LUZP2: variants seen among roughly 807,000 people sequenced by gnomAD.
LUZP2 encodes leucine zipper protein 2.
In LUZP2, 52 loss-of-function variants were observed where a neutral mutation model predicts 51.6. The observed-to-expected ratio is 1.01, with a 90% CI of 0.81 to 1.27. The LOEUF (loss-of-function observed/expected upper bound fraction) is 1.27, where lower values mean the gene tolerates loss of function less well. Among genes scored for constraint, LUZP2 ranks in the 50% most tolerant of loss-of-function variants. The pLI is 0.00. For missense variants in LUZP2, 436 were observed against 395.4 expected (o/e 1.10, Z -0.87); for synonymous variants, 154 against 137.3 (o/e 1.12, Z -0.85).
chr11:24,671,710 T>A (rs1856406842), intron 1 of LUZP2, among the ~76,000 whole-genome samples: 1 of 152,100 alleles, frequency 6.6e-6, no homozygotes, highest in African/African-American at 2.4e-5. Context: ...GGCATTTTTA[T>A]GCAAGAGAAT....
chr11:24,853,406 C>T (rs756544245), intron 5 of LUZP2, among the ~76,000 whole-genome samples: 58 of 151,776 alleles, frequency 3.8e-4, no homozygotes, highest in African/African-American at 1.1e-3. Flanking sequence ...TCTGCTTGAT[C>T]GATTCAGCTA....
chr11:24,817,816 A>G (rs892324816), intron 5 of LUZP2, among the ~76,000 whole-genome samples: 7 of 151,940 alleles, frequency 4.6e-5, no homozygotes, highest in African/African-American at 9.7e-5. Context: ...GTGCATCACA[A>G]TTTCTTGTAC....
intron 5 of LUZP2, chr11:24,831,790 C>T (rs1850711943): frequency 2.0e-5 from 3 of 152,386 alleles, no homozygotes; most frequent in African/African-American, 7.2e-5. Context: ...TTGGAAAGGC[C>T]AAAGTAAAAG....
chr11:24,989,338 A>T (rs1856270842), intron 9 of LUZP2, among the ~76,000 whole-genome samples: 1 of 152,062 alleles, frequency 6.6e-6, no homozygotes, highest in African/African-American at 2.4e-5. Context: ...TTTGCTCATT[A>T]TGGTGGAACA....
chr11:24,542,236 C>G (rs115972447), intron 1 of LUZP2, among the ~76,000 whole-genome samples: 79 of 152,088 alleles, frequency 5.2e-4, no homozygotes, highest in Admixed American at 8.5e-4. Flanking sequence ...TCCTCACCCC[C>G]CCATACACAA....
At chr11:24,871,488 T>TCC (rs926671496) in intron 5 of LUZP2, among the ~76,000 whole-genome samples, 28 of 152,160 alleles carry the variant, frequency 1.8e-4, no homozygotes, top group African/African-American at 6.7e-4. Flanking sequence ...CTTGAATTCA[T>TCC]CCCCCCTGGC....
At chr11:24,835,825 T>G (rs1160181014) in intron 5 of LUZP2, among the ~76,000 whole-genome samples, 1 of 152,084 alleles carries the variant, frequency 6.6e-6, no homozygotes, top group Non-Finnish European at 1.5e-5. Context: ...TTTTTACATA[T>G]TTACTGCCAA....
chr11:24,667,423 G>T (rs12796872), intron 1 of LUZP2, among the ~76,000 whole-genome samples: 295 of 152,170 alleles, frequency 1.9e-3, no homozygotes, highest in Non-Finnish European at 3.5e-3. Context: ...CTGACCTCGT[G>T]ATCTGCCGTC....
chr11:24,963,968 T>C (rs1855504334), intron 7 of LUZP2, among the ~76,000 whole-genome samples: 1 of 152,204 alleles, frequency 6.6e-6, no homozygotes, highest in Non-Finnish European at 1.5e-5. Context: ...GCAATAAACA[T>C]GGGAATGCAG....
chr11:24,726,402 A>G (rs544815987), intron 1 of LUZP2, among the ~76,000 whole-genome samples: 94 of 152,092 alleles, frequency 6.2e-4, no homozygotes, highest in Middle Eastern at 3.4e-3. Context: ...ACATATTGAA[A>G]CTAACACAAA....
chr11:24,514,564 CT>C (rs1564962589), intron 1 of LUZP2, among the ~76,000 whole-genome samples: 1 of 152,148 alleles, frequency 6.6e-6, no homozygotes, highest in African/African-American at 2.4e-5. Flanking sequence ...ATAAATTTCA[CT>C]TTGTGGGGAA....
At chr11:24,864,090 C>T (rs1851817356) in intron 5 of LUZP2, among the ~76,000 whole-genome samples, 1 of 152,074 alleles carries the variant, frequency 6.6e-6, no homozygotes, top group Non-Finnish European at 1.5e-5. Flanking sequence ...TTTCTCTATA[C>T]TGTAATTAAG....
At chr11:25,014,013 C>A (rs867262331) in intron 9 of LUZP2, among the ~76,000 whole-genome samples, 11 of 151,806 alleles carry the variant, frequency 7.2e-5, no homozygotes, top group African/African-American at 2.7e-4. Flanking sequence ...GGTTTTTTGT[C>A]CCTGCGATAG....
chr11:24,607,950 GC>G (rs1853987683), intron 1 of LUZP2, among the ~76,000 whole-genome samples: 1 of 151,894 alleles, frequency 6.6e-6, no homozygotes, highest in South Asian at 2.1e-4. Context: ...CTGGGTTTAT[GC>G]CATTCTCCTG....
chr11:24,824,137 G>C (rs530119746), intron 5 of LUZP2, among the ~76,000 whole-genome samples: 14 of 151,930 alleles, frequency 9.2e-5, no homozygotes, highest in African/African-American at 3.4e-4. Context: ...GCCGAGGCAG[G>C]CGGATCACCT....
At chr11:24,690,379 A>G (rs944488553) in intron 1 of LUZP2, among the ~76,000 whole-genome samples, 9 of 152,128 alleles carry the variant, frequency 5.9e-5, no homozygotes, top group African/African-American at 2.2e-4. Context: ...CACTTTTACA[A>G]AAGCTCATAG....
At chr11:24,950,976 C>T (rs906588224) in intron 7 of LUZP2, among the ~76,000 whole-genome samples, 4 of 151,318 alleles carry the variant, frequency 2.6e-5, no homozygotes, top group African/African-American at 9.7e-5. Context: ...TCAGCAGAAA[C>T]CCCCAATTTG....
intron 5 of LUZP2, among the ~76,000 whole-genome samples, chr11:24,805,864 G>A (rs974208688): frequency 2.6e-5 from 4 of 152,294 alleles, no homozygotes; most frequent in African/African-American, 9.6e-5. Context: ...TCATCCTACA[G>A]AAATTTTTGG....
intron 7 of LUZP2, among the ~76,000 whole-genome samples, chr11:24,946,983 C>A (rs1489062682): frequency 6.6e-6 from 1 of 151,866 alleles, no homozygotes; most frequent in Non-Finnish European, 1.5e-5. Flanking sequence ...AGATATACAA[C>A]TACAGTTAAC....
Sources: gnomAD v4.1 joint callset for allele counts (sites outside exome capture counted in the v4.1 genomes callset) on GRCh38, gnomAD v4.1.1 for gene constraint, MANE v1.5 for transcripts, NCBI Gene and HGNC (gene_info 2026-07-23, HGNC 2026-07-21) for gene names.